Variants in VPS37C observed in about 807,000 individuals in gnomAD.
VPS37C encodes the protein VPS37C subunit of ESCRT-I.
In VPS37C, 9 loss-of-function variants were observed where a neutral mutation model predicts 16.1. That is an observed-to-expected ratio of 0.56 (90% CI 0.34 to 0.97). The LOEUF is 0.97. Among genes scored for constraint, VPS37C ranks in the 50% least tolerant of loss-of-function variants. The pLI, the probability that VPS37C is intolerant of heterozygous loss-of-function variation, is 0.02. For missense variants in VPS37C, 479 were observed against 472.7 expected (o/e 1.01, Z -0.12); for synonymous variants, 207 against 206.4 (o/e 1.00, Z -0.02).
intron 1 of VPS37C, among the ~76,000 whole-genome samples, chr11:61,157,825 T>C (rs1853402548): frequency 6.6e-6 from 1 of 152,238 alleles, no homozygotes; most frequent in South Asian, 2.1e-4. Flanking sequence ...GTGAGACATG[T>C]TTAGGTCACA....
At chr11:61,142,480 C>T (rs998384870) in intron 1 of VPS37C, among the ~76,000 whole-genome samples, 1 of 152,142 alleles carries the variant, frequency 6.6e-6, no homozygotes, top group South Asian at 2.1e-4. Context: ...GTAATCCTCC[C>T]GCCTTGACCT....
intron 1 of VPS37C, among the ~76,000 whole-genome samples, chr11:61,147,396 T>C (rs933696379): frequency 1.3e-5 from 2 of 152,124 alleles, no homozygotes; most frequent in Non-Finnish European, 2.9e-5. Context: ...ACTTTATATC[T>C]TGACTAAATC....
intron 1 of VPS37C, among the ~76,000 whole-genome samples, chr11:61,141,047 T>C (rs977896967): frequency 6.6e-5 from 10 of 151,786 alleles, no homozygotes; most frequent in African/African-American, 9.7e-5. Context: ...ATTGTAAAAA[T>C]TGTAAAATGA....
rs112772681 is a variant in VPS37C at position 61,138,823 on chromosome 11, T to C, written c.7A>G (p.Thr3Ala). 1.2e-5 allele frequency: 20 copies of C among 1,614,038 alleles called. No individual in the cohort carries two copies. Among genetic ancestry groups the C allele is most frequent in the African/African-American group, 8.0e-5 (6 of 74,994 alleles). ME[T>A]LKDKTLQELE... The stretch of plus-strand genomic sequence containing the variant: ...TCCTGCAGGGTCTTATCCTTCAGCG[T>C]CTCCATCCTTCCCTGTGAACACAGT... Residue 3 changes from threonine to alanine, a missense_variant, in exon 2 of 5, where the codon ACG (threonine) becomes GCG (alanine). Thr to Ala is a moderately conservative substitution (Grantham distance 58, BLOSUM62 0). Transcript: ENST00000301765.
At position 61,130,717 on chromosome 11, in the gene VPS37C, A is replaced by C; in HGVS notation, c.*1103T>G. 1 of 403,820 alleles carries C rather than the reference A, an allele frequency of 2.5e-6. No homozygotes were observed. The highest frequency in any genetic ancestry group is 9.0e-5 in the East Asian group (1 of 11,070). 25.0% of individuals were successfully genotyped at this position (403,820 alleles called of 1,614,324 possible). A position where few individuals can be genotyped will look rare whatever the true frequency, so the allele number is the denominator to read the frequency against. On this transcript the variant is annotated 3_prime_UTR_variant, in exon 5 of 5. Transcript: ENST00000301765. ...GGGGCTGCATATTAAACAGAGACAT[A>C]ATCCCCACCCTTTACATTCTGAAGA...
At chr11:61,135,453 C>T (rs1861353531) in intron 2 of VPS37C, among the ~76,000 whole-genome samples, 1 of 152,250 alleles carries the variant, frequency 6.6e-6, no homozygotes, top group South Asian at 2.1e-4. Flanking sequence ...CTGCCTTCTA[C>T]AGACATGGTC....
intron 2 of VPS37C, among the ~76,000 whole-genome samples, chr11:61,134,944 C>T (rs1342002701): frequency 1.3e-5 from 2 of 152,208 alleles, no homozygotes; most frequent in Non-Finnish European, 2.9e-5. Flanking sequence ...TGTGATGTGA[C>T]GCCCCATGCA....
At chr11:61,158,051 G>C (rs1402318237) in intron 1 of VPS37C, among the ~76,000 whole-genome samples, 1 of 152,200 alleles carries the variant, frequency 6.6e-6, no homozygotes, top group Non-Finnish European at 1.5e-5. Context: ...TTCTTGTACA[G>C]CCTGTAGAAC....
intron 1 of VPS37C, among the ~76,000 whole-genome samples, chr11:61,149,355 C>G (rs1476794888): frequency 6.6e-6 from 1 of 152,260 alleles, no homozygotes; most frequent in South Asian, 2.1e-4. Context: ...GATTTCAATC[C>G]CATCCTGACC....
chr11:61,152,568 C>T (rs1472682985), intron 1 of VPS37C, among the ~76,000 whole-genome samples: 1 of 152,118 alleles, frequency 6.6e-6, no homozygotes, highest in Non-Finnish European at 1.5e-5. Context: ...TCCCATGGCT[C>T]CCCAGCATTT....
At chr11:61,147,859 C>T (rs536656864) in intron 1 of VPS37C, among the ~76,000 whole-genome samples, 32 of 152,288 alleles carry the variant, frequency 2.1e-4, no homozygotes, top group South Asian at 2.1e-4. Context: ...TGTGTCTGGA[C>T]AGAATTCTGT....
At chr11:61,157,423 T>TTA (rs59854288) in intron 1 of VPS37C, among the ~76,000 whole-genome samples, 1 of 151,630 alleles carries the variant, frequency 6.6e-6, no homozygotes, top group Non-Finnish European at 1.5e-5. Context: ...TTGTTTTTTT[T>TTA]CAATAGCCAT....
At position 61,145,940 on chromosome 11, in the gene VPS37C, C is replaced by G. The variant is rs575542365; in HGVS notation, c.-6-7105G>C. ...ATGCCCGGGAGGATGCAGCACTGCT[C>G]TAGTGACCCCCAGGGTTTGCTGCGC... On this transcript the variant is annotated intron_variant, in intron 1 of 4. Coordinates refer to ENST00000301765, the MANE Select transcript of VPS37C (RefSeq NM_017966.5). Among the ~76,000 whole-genome samples, 15 of 152,354 alleles carry G rather than the reference C, an allele frequency of 9.8e-5. No individual in the cohort carries two copies. The South Asian group carries it at 3.1e-3, about 32-fold the overall frequency.
chr11:61,130,632 C>T lies in VPS37C; in HGVS notation c.*1188G>A. The stretch of plus-strand genomic sequence containing the variant: ...AACAACCAAGTTAACACTCATCACA[C>T]CCCCTTTGTCTATTGTATTCATTCT... On this transcript the variant is annotated 3_prime_UTR_variant, in exon 5 of 5. Transcript: ENST00000301765. 1 of 292,626 alleles carries T rather than the reference C, an allele frequency of 3.4e-6. No individual in the cohort carries two copies. The highest frequency in any genetic ancestry group is 6.5e-6 in the Non-Finnish European group (1 of 155,032). 18.1% of individuals were successfully genotyped at this position (292,626 alleles called of 1,614,324 possible).
intron 4 of VPS37C, 136 bp from the exon 5 acceptor site, chr11:61,132,675 G>T: frequency 8.6e-7 from 1 of 1,168,822 alleles, no homozygotes; most frequent in Non-Finnish European, 1.2e-6. Context: ...CTGCCCATAC[G>T]CCCCTTCTCA....
intron 1 of VPS37C, among the ~76,000 whole-genome samples, chr11:61,158,847 G>C (rs1474668332): frequency 6.6e-6 from 1 of 152,156 alleles, no homozygotes; most frequent in Admixed American, 6.5e-5. Context: ...GATATGAATT[G>C]GAAGGAGCAC....
Position 61,132,265 on chromosome 11 carries a change from C to G in VPS37C, c.623G>C (p.Ser208Thr). 1 of 1,538,760 alleles carries G rather than the reference C, an allele frequency of 6.5e-7. No individual in the cohort carries two copies. The highest frequency in any genetic ancestry group is 8.8e-7 in the Non-Finnish European group (1 of 1,141,454). ...LAMPPYPLPY[S>T]PSPSLPVGPT... ...GCCCACAGGCAGGCTGGGGGATGGG[C>G]TGTAGGGCAAAGGGTAGGGAGGCAT... is the stretch of plus-strand genomic sequence containing the variant. The change falls in exon 5 of 5, where the codon AGC becomes ACC. Residue 208 changes from serine to threonine, a missense_variant. Physicochemically the swap from Ser to Thr is moderately conservative, Grantham distance 58 (BLOSUM62 1). Coordinates refer to ENST00000301765, the MANE Select transcript of VPS37C (RefSeq NM_017966.5).
Position 61,131,964 on chromosome 11 carries a change from T to C in VPS37C, c.924A>G (p.Lys308=). 2 of 1,303,194 alleles carry C rather than the reference T, an allele frequency of 1.5e-6. No homozygotes were observed. The highest frequency in any genetic ancestry group is 5.3e-5 in the South Asian group (2 of 37,870). 80.7% of individuals were successfully genotyped at this position (1,303,194 alleles called of 1,614,324 possible). Residue 308 remains lysine, a synonymous_variant, in exon 5 of 5, where the codon AAA becomes AAG. Coordinates refer to ENST00000301765, the MANE Select transcript of VPS37C (RefSeq NM_017966.5). The part of the protein sequence containing the change: ...QQSPYPATGG[K]PPYPIQPQLP... ...GCTGAGGCTGTATTGGGTAGGGAGGTTTTCCTCCTGTTGCGGGGTATGGGG... is the reference window on the plus strand; with the variant it reads ...GCTGAGGCTGTATTGGGTAGGGAGGCTTTCCTCCTGTTGCGGGGTATGGGG...
At chr11:61,146,477 C>T (rs1590790569) in intron 1 of VPS37C, among the ~76,000 whole-genome samples, 1 of 152,254 alleles carries the variant, frequency 6.6e-6, no homozygotes, top group Non-Finnish European at 1.5e-5. Context: ...GAGAGATGGG[C>T]CGCTCTGTGG....
Sources: gnomAD v4.1 joint callset for allele counts (sites outside exome capture counted in the v4.1 genomes callset) on GRCh38, gnomAD v4.1.1 for gene constraint, MANE v1.5 for transcripts, NCBI Gene and HGNC (gene_info 2026-07-23, HGNC 2026-07-21) for gene names.